Variants in PDE1A observed in about 807,000 individuals in gnomAD.
PDE1A encodes the protein phosphodiesterase 1A, also known as dual specificity calcium/calmodulin-dependent 3',5'-cyclic nucleotide phosphodiesterase 1A.
In PDE1A, 35 loss-of-function variants were observed where a neutral mutation model predicts 61.7. The observed-to-expected ratio is 0.57, with a 90% CI of 0.43 to 0.75. The LOEUF (loss-of-function observed/expected upper bound fraction) is 0.75, where lower values mean the gene tolerates loss of function less well. Ranked by LOEUF, PDE1A falls within the 30% of genes least tolerant of loss-of-function variation. The pLI is 0.00. For missense variants in PDE1A, 597 were observed against 630.6 expected (o/e 0.95, Z 0.57); for synonymous variants, 232 against 213.2 (o/e 1.09, Z -0.77).
chr2:182,643,371 C>T, the PDE1A span, among the ~76,000 whole-genome samples: 1 of 152,200 alleles, frequency 6.6e-6, no homozygotes, highest in African/African-American at 2.4e-5. Flanking sequence ...TCATGTTTTT[C>T]TCCCTATATC....
chr2:182,676,830 T>C, the PDE1A span, among the ~76,000 whole-genome samples: 6 of 152,162 alleles, frequency 3.9e-5, no homozygotes, highest in Non-Finnish European at 7.3e-5. Flanking sequence ...ATTATCTCAA[T>C]AGATGCAGAA....
At chr2:182,387,371 C>A (rs1254176877) in intron 1 of PDE1A, among the ~76,000 whole-genome samples, 2 of 151,292 alleles carry the variant, frequency 1.3e-5, no homozygotes, top group Non-Finnish European at 2.9e-5. Context: ...GTCCTATGAC[C>A]CTGCCAAATC....
At chr2:182,342,661 C>T (rs1351978694) in intron 1 of PDE1A, among the ~76,000 whole-genome samples, 3 of 152,146 alleles carry the variant, frequency 2.0e-5, no homozygotes, top group Admixed American at 2.0e-4. Flanking sequence ...CCAGCCTGGG[C>T]AACAAAGCGA....
chr2:182,316,919 G>A (rs1282396090), intron 1 of PDE1A, among the ~76,000 whole-genome samples: 1 of 152,136 alleles, frequency 6.6e-6, no homozygotes, highest in Non-Finnish European at 1.5e-5. Context: ...TAAAAAGAGT[G>A]AAAAGTTACT....
chr2:182,529,257 T>C, the PDE1A span, among the ~76,000 whole-genome samples: 1 of 152,234 alleles, frequency 6.6e-6, no homozygotes, highest in Non-Finnish European at 1.5e-5. Flanking sequence ...TGCATCAATA[T>C]GACCTGTATG....
intron 13 of PDE1A, among the ~76,000 whole-genome samples, chr2:182,177,238 T>G (rs1416983473): frequency 6.6e-6 from 1 of 152,186 alleles, no homozygotes; most frequent in Non-Finnish European, 1.5e-5. Flanking sequence ...TTTCTATTGA[T>G]TGGAATAGTT....
At chr2:182,613,892 A>T in the PDE1A span, among the ~76,000 whole-genome samples, 38 of 152,304 alleles carry the variant, frequency 2.5e-4, no homozygotes, top group African/African-American at 8.7e-4. Context: ...TCAATATTAG[A>T]TCATGCCACA....
chr2:182,646,508 T>C, the PDE1A span, among the ~76,000 whole-genome samples: 3 of 150,956 alleles, frequency 2.0e-5, no homozygotes, highest in Non-Finnish European at 3.0e-5. Context: ...GCCAACACAG[T>C]GAAATCATGT....
chr2:182,478,555 T>C, intron 2 of PDE1A, among the ~76,000 whole-genome samples: 1 of 151,870 alleles, frequency 6.6e-6, no homozygotes, highest in East Asian at 1.9e-4. Context: ...CTGTATTTCC[T>C]CATGTCATTT....
chr2:182,233,785 ACACACAC>A (rs1469085386), intron 4 of PDE1A, among the ~76,000 whole-genome samples: 1 of 130,986 alleles, frequency 7.6e-6, no homozygotes, highest in East Asian at 2.0e-4. Flanking sequence ...CCACACACAC[ACACACAC>A]ACACACACAC....
At chr2:182,523,646 T>C (rs977782995), upstream of PDE1A, among the ~76,000 whole-genome samples, 2 of 152,210 alleles carry the variant, frequency 1.3e-5, no homozygotes, top group Admixed American at 1.3e-4. Context: ...ACATCCAATA[T>C]TTGTTGAATA....
the PDE1A span, among the ~76,000 whole-genome samples, chr2:182,660,676 C>T: frequency 6.6e-6 from 1 of 152,196 alleles, no homozygotes; most frequent in Non-Finnish European, 1.5e-5. Flanking sequence ...GGGTGGCCTT[C>T]AATTGCTTAG....
chr2:182,250,339 C>G (rs1691305451), intron 2 of PDE1A, among the ~76,000 whole-genome samples: 2 of 152,036 alleles, frequency 1.3e-5, no homozygotes, highest in Admixed American at 6.6e-5. Context: ...ATCTGGATGA[C>G]AAAATTTCAG....
At chr2:182,301,357 T>C (rs1695230163) in intron 1 of PDE1A, among the ~76,000 whole-genome samples, 1 of 152,188 alleles carries the variant, frequency 6.6e-6, no homozygotes, top group Admixed American at 6.5e-5. Flanking sequence ...TATGGTGTTG[T>C]GTCTCTAACA....
intron 13 of PDE1A, among the ~76,000 whole-genome samples, chr2:182,178,513 G>C (rs1195163415): frequency 6.6e-6 from 1 of 152,076 alleles, no homozygotes; most frequent in Non-Finnish European, 1.5e-5. Context: ...CTCTGAATTT[G>C]GCCATCCCTG....
intron 6 of PDE1A, among the ~76,000 whole-genome samples, chr2:182,228,586 C>T (rs1008477006): frequency 7.2e-5 from 11 of 152,198 alleles, no homozygotes; most frequent in African/African-American, 2.4e-4. Context: ...TAATAGTCAC[C>T]TATCACTACT....
chr2:182,165,670 G>A (rs1221478244), downstream of PDE1A, among the ~76,000 whole-genome samples: 1 of 152,254 alleles, frequency 6.6e-6, no homozygotes, highest in East Asian at 1.9e-4. Flanking sequence ...ATGACCAGCT[G>A]AGGTGCTTAC....
chr2:182,230,507 G>C (rs1421369371), intron 5 of PDE1A, among the ~76,000 whole-genome samples: 3 of 152,076 alleles, frequency 2.0e-5, no homozygotes, highest in African/African-American at 7.2e-5. Flanking sequence ...GGTTAAAATA[G>C]ATTATCTCTC....
intron 2 of PDE1A, among the ~76,000 whole-genome samples, chr2:182,493,521 A>C (rs1015813805): frequency 4.6e-5 from 7 of 152,112 alleles, no homozygotes; most frequent in Non-Finnish European, 1.0e-4. Flanking sequence ...TATGAGTGAG[A>C]ACATGCAGTG....
Sources: allele counts gnomAD v4.1 joint callset (sites outside exome capture counted in the v4.1 genomes callset), GRCh38; gene constraint gnomAD v4.1.1; transcripts MANE v1.5; gene names NCBI Gene and HGNC (gene_info 2026-07-23, HGNC 2026-07-21).